SELP: variants seen among roughly 807,000 people sequenced by gnomAD.
The protein encoded by SELP is selectin P, also known as P-selectin.
Under a neutral mutation model 104.1 loss-of-function variants are expected in SELP, and 92 were observed. The observed-to-expected ratio is 0.88, with a 90% CI of 0.75 to 1.05. SELP has a LOEUF of 1.05. Ranked by LOEUF, SELP falls within the 50% of genes least tolerant of loss-of-function variation. The probability of loss-of-function intolerance (pLI) is 0.00; values close to 1 mark genes in which losing one functional copy is unlikely to be tolerated. For synonymous variants in SELP, 397 were observed against 364.5 expected (o/e 1.09, Z -1.01); for missense variants, 1,022 against 1,017.3 (o/e 1.00, Z -0.06).
chr1:169,600,746 G>A (rs538403057), intron 10 of SELP, among the ~76,000 whole-genome samples: 20 of 152,092 alleles, frequency 1.3e-4, no homozygotes, highest in Non-Finnish European at 2.2e-4. Flanking sequence ...AAAATTAATG[G>A]GTTCAGGCAT....
chr1:169,629,789 A>G (rs1663546643), intron 1 of SELP, among the ~76,000 whole-genome samples: 1 of 152,218 alleles, frequency 6.6e-6, no homozygotes, highest in Non-Finnish European at 1.5e-5. Context: ...CCCAGATCCC[A>G]ACATCATGTA....
At chr1:169,621,773 G>A (rs745352002) in intron 1 of SELP, among the ~76,000 whole-genome samples, 2 of 152,140 alleles carry the variant, frequency 1.3e-5, no homozygotes, top group Non-Finnish European at 2.9e-5. Flanking sequence ...AACACTGAGA[G>A]TATCATAACG....
At chr1:169,597,641 T>G (rs1661697077) in intron 10 of SELP, among the ~76,000 whole-genome samples, 1 of 152,210 alleles carries the variant, frequency 6.6e-6, no homozygotes, top group Non-Finnish European at 1.5e-5. Context: ...GCTTTCTGCC[T>G]CAAACTATTT....
chr1:169,597,518 T>C (rs1241302934), intron 10 of SELP, among the ~76,000 whole-genome samples: 1 of 152,172 alleles, frequency 6.6e-6, no homozygotes, highest in Non-Finnish European at 1.5e-5. Flanking sequence ...TCTATCTTAC[T>C]TGAATGGGTG....
chr1:169,591,940 G>A (rs1446188187), intron 14 of SELP, among the ~76,000 whole-genome samples: 2 of 152,088 alleles, frequency 1.3e-5, no homozygotes, highest in Non-Finnish European at 2.9e-5. Flanking sequence ...GAGAAGCTGA[G>A]GAAAAAAGCT....
intron 1 of SELP, among the ~76,000 whole-genome samples, chr1:169,622,367 G>A (rs1042776950): frequency 2.0e-5 from 3 of 152,164 alleles, no homozygotes; most frequent in African/African-American, 7.2e-5. Context: ...GGACTTCAAG[G>A]AATTGAGACA....
At chr1:169,598,090 A>C (rs1205753570) in intron 10 of SELP, among the ~76,000 whole-genome samples, 1 of 152,240 alleles carries the variant, frequency 6.6e-6, no homozygotes, top group Non-Finnish European at 1.5e-5. Flanking sequence ...GGCAGTGCTC[A>C]GTAACCACTT....
Position 169,595,907 on chromosome 1 carries a change from T to C in SELP, c.2101+18A>G, listed in dbSNP as rs1483299364. Reference sequence around the variant, plus strand: ...GCAGGAAGGCAGGTTCAGAACTGCCTGCTCCTTTTCACCTTACCTCTGCAT... The same window carrying C: ...GCAGGAAGGCAGGTTCAGAACTGCCCGCTCCTTTTCACCTTACCTCTGCAT... On this transcript the variant is annotated intron_variant, in intron 12 of 16. Coordinates refer to ENST00000263686, the MANE Select transcript of SELP (RefSeq NM_003005.4). 1.2e-6 allele frequency: 2 copies of C among 1,611,626 alleles called. No homozygotes were observed. The highest frequency in any genetic ancestry group is 1.7e-5 in the Admixed American group (1 of 59,992).
At chr1:169,605,536 G>A (rs952309945) in intron 9 of SELP, among the ~76,000 whole-genome samples, 1 of 152,014 alleles carries the variant, frequency 6.6e-6, no homozygotes, top group Non-Finnish European at 1.5e-5. Context: ...GACCTGAATA[G>A]TGAGTGGTTT....
Position 169,607,011 on chromosome 1 carries a change from C to T in SELP, c.1457G>A (p.Gly486Glu). 1.2e-6 allele frequency: 2 copies of T among 1,613,826 alleles called. No homozygotes were observed. The highest frequency in any genetic ancestry group is 1.3e-5 in the African/African-American group (1 of 75,010). The change falls in exon 9 of 17, where the codon GGA becomes GAA. Residue 486 changes from glycine to glutamate, a missense_variant. Physicochemically the swap from Gly to Glu is moderately conservative, Grantham distance 98. Coordinates refer to ENST00000263686, the MANE Select transcript of SELP (RefSeq NM_003005.4). ...AGCCAAGCACTGTAGCACACTTGCT[C>T]CCACCAGGAGCAAGCCTTCATTGCA... is the stretch of plus-strand genomic sequence containing the variant. ...FTCNEGLLLV[G>E]ASVLQCLATG...
rs141287418 is a variant in SELP, at chr1:169,611,654, C to T, written c.985G>A (p.Ala329Thr). The T allele has an allele frequency of 2.8e-4, 449 of 1,614,020 alleles. 2 individuals are homozygous for T. The East Asian group carries it at 7.6e-3, about 27-fold the overall frequency. Reference protein sequence around the residue: ...CKAVQCQHLEAPSEGTMDCVH... With the variant: ...CKAVQCQHLETPSEGTMDCVH... The stretch of plus-strand genomic sequence containing the variant: ...CAGTCCATGGTTCCTTCACTGGGGG[C>T]TTCCAGGTGCTGACACTGCACAGCT... The change falls in exon 7 of 17, where the codon GCC becomes ACC. Residue 329 changes from alanine (A) to threonine (T), a missense_variant. Ala to Thr is a moderately conservative substitution (Grantham distance 58). Transcript: ENST00000263686.
rs1661512059 is a variant in SELP at position 169,594,720 on chromosome 1, G to T, written c.2259C>A (p.His753Gln). The T allele has an allele frequency of 1.2e-6, 2 of 1,613,738 alleles. No homozygotes were observed. The highest frequency in any genetic ancestry group is 1.7e-6 in the Non-Finnish European group (2 of 1,179,748). The change falls in exon 13 of 17, where the codon CAC (histidine) becomes CAA (glutamine). Residue 753 changes from histidine to glutamine, a missense_variant. By Grantham distance (24) the His-to-Gln change is conservative. Coordinates refer to ENST00000263686, the MANE Select transcript of SELP (RefSeq NM_003005.4). Reference protein sequence around the residue: ...SAQTACQENGHWSTTVPTCQA... With the variant: ...SAQTACQENGQWSTTVPTCQA... ...GGCAGGTTGGCACGGTAGTTGACCA[G>T]TGGCCATTCTCTTGGCATGCTGTTT...
At position 169,626,496 on chromosome 1, in the gene SELP, G is replaced by A. The variant is rs756217851; in HGVS notation, c.3+3576C>T. Among the ~76,000 whole-genome samples the A allele has an allele frequency of 4.6e-5, 7 of 152,198 alleles. No homozygotes were observed. In the East Asian group the frequency reaches 5.8e-4, roughly 13 times the overall value. On this transcript the variant is annotated intron_variant, in intron 1 of 16. Transcript: ENST00000263686. ...CTCAGAAGGCTGAGACAGGAGAATC[G>A]CTTGAACCCAGGAGACAGAGGTTGC... is the stretch of plus-strand genomic sequence containing the variant.
chr1:169,598,377 A>G (rs1009070314), intron 10 of SELP, among the ~76,000 whole-genome samples: 24 of 152,156 alleles, frequency 1.6e-4, no homozygotes, highest in African/African-American at 5.3e-4. Flanking sequence ...TTCAAGACCT[A>G]TATGCTCCCT....
At chr1:169,612,123 G>A in intron 6 of SELP, 94 bp downstream of exon 6, 1 of 1,317,356 alleles carries the variant, frequency 7.6e-7, no homozygotes, top group African/African-American at 1.5e-5. Context: ...TGGCAATTCA[G>A]GCCAGCTTCT....
intron 1 of SELP, 98 bp from the exon 2 acceptor site, chr1:169,619,317 T>A: frequency 1.1e-6 from 1 of 894,894 alleles, no homozygotes; most frequent in Non-Finnish European, 1.8e-6. Context: ...AGTATAATTG[T>A]GCCAATTTCC....
At chr1:169,620,266 G>A (rs1029397481) in intron 1 of SELP, among the ~76,000 whole-genome samples, 12 of 151,942 alleles carry the variant, frequency 7.9e-5, no homozygotes, top group Non-Finnish European at 1.2e-4. Context: ...CATCTTGTCC[G>A]ACTTCCTCAT....
intron 3 of SELP, among the ~76,000 whole-genome samples, chr1:169,614,650 CAT>C (rs1407187801): frequency 7.9e-5 from 12 of 152,116 alleles, no homozygotes; most frequent in Non-Finnish European, 1.6e-4. Flanking sequence ...AAAGAATATC[CAT>C]ATGTCATATG....
intron 15 of SELP, among the ~76,000 whole-genome samples, chr1:169,591,011 C>T (rs1411419781): frequency 6.6e-6 from 1 of 152,138 alleles, no homozygotes; most frequent in African/African-American, 2.4e-5. Context: ...GGTTTTCAGA[C>T]TCTTTACCGG....
Sources: allele counts gnomAD v4.1 joint callset (sites outside exome capture counted in the v4.1 genomes callset), GRCh38; gene constraint gnomAD v4.1.1; transcripts MANE v1.5; gene names NCBI Gene and HGNC (gene_info 2026-07-23, HGNC 2026-07-21).